HSP90B1: variants seen among roughly 807,000 people sequenced by gnomAD.
HSP90B1 encodes endoplasmin.
A neutral mutation model predicts 100.4 loss-of-function variants in HSP90B1; 27 were observed. The observed-to-expected ratio is 0.27, with a 90% CI of 0.20 to 0.37. The LOEUF is 0.37. Ranked by LOEUF, HSP90B1 falls within the 10% of genes least tolerant of loss-of-function variation. The probability of loss-of-function intolerance (pLI) is 1.00; values close to 1 mark genes in which losing one functional copy is unlikely to be tolerated. For missense variants in HSP90B1, 678 were observed against 960.5 expected (o/e 0.71, Z 3.89); for synonymous variants, 304 against 330.8 (o/e 0.92, Z 0.88).
At chr12:103,932,796 C>A in intron 3 of HSP90B1, 30 bp from the exon 4 acceptor site, 1 of 1,114,302 alleles carries the variant, frequency 9.0e-7, no homozygotes, top group Non-Finnish European at 1.4e-6. Flanking sequence ...TGAGGATAGT[C>A]TAAGTGTATT....
chr12:103,947,539 C>T, intron 17 of HSP90B1, 94 bp from the exon 18 acceptor site: 2 of 1,582,982 alleles, frequency 1.3e-6, no homozygotes, highest in Non-Finnish European at 8.6e-7. Flanking sequence ...TCAGACTGAG[C>T]ATTTAAATTG....
chr12:103,941,575 T>C, intron 9 of HSP90B1, 28 bp downstream of exon 9: 2 of 1,613,900 alleles, frequency 1.2e-6, no homozygotes, highest in Admixed American at 1.7e-5. Context: ...ACATGCTGCG[T>C]TTAAAATTTG....
At chr12:103,946,500 C>G (rs1315630273) in intron 14 of HSP90B1, 118 bp from the exon 15 acceptor site, 4 of 727,720 alleles carry the variant, frequency 5.5e-6, no homozygotes, top group Non-Finnish European at 9.2e-6. Flanking sequence ...GTCAATAGTA[C>G]ATTTTGATTT....
Position 103,947,685 on chromosome 12 carries a change from C to A in HSP90B1, c.*23C>A, listed in dbSNP as rs373539366. The A allele has an allele frequency of 1.3e-6, 2 of 1,583,660 alleles. No individual in the cohort carries two copies. Among genetic ancestry groups the A allele is most frequent in the Admixed American group, 1.7e-5 (1 of 59,888 alleles). On this transcript the variant is annotated 3_prime_UTR_variant, in exon 18 of 18. Transcript: ENST00000299767. ...TAAATTATACTCTCACCATTTGGAT[C>A]CTGTGTGGAGAGGGAATGTGAAATT... is the stretch of plus-strand genomic sequence containing the variant.
intron 2 of HSP90B1, 63 bp downstream of exon 2, chr12:103,931,686 C>A: frequency 1.8e-6 from 2 of 1,141,576 alleles, no homozygotes; most frequent in Middle Eastern, 2.0e-4. Flanking sequence ...GTTACGGTCA[C>A]TTCTTATGTA....
chr12:103,947,572 G>A, intron 17 of HSP90B1, 61 bp from the exon 18 acceptor site: 1 of 1,547,960 alleles, frequency 6.5e-7, no homozygotes, highest in Non-Finnish European at 8.8e-7. Flanking sequence ...ACAAACCTGT[G>A]AGCTAGGTTT....
intron 14 of HSP90B1, among the ~76,000 whole-genome samples, chr12:103,945,176 GACTC>G (rs1305562530): frequency 6.6e-6 from 1 of 152,174 alleles, no homozygotes; most frequent in Non-Finnish European, 1.5e-5. Context: ...CAGGCATGGT[GACTC>G]ACTCCTGTTG....
chr12:103,934,238 G>A lies in HSP90B1; in HGVS notation c.694G>A (p.Val232Ile), dbSNP rs1348464856. Residue 232 changes from valine (V) to isoleucine (I), a missense_variant, in exon 5 of 18, where the codon GTA (valine) becomes ATA (isoleucine). Val to Ile is a conservative substitution (Grantham distance 29, BLOSUM62 3). This residue lies in a region of HSP90B1 where 238 missense variants were observed against 346.7 expected (regional missense o/e 0.69). Coordinates refer to ENST00000299767, the MANE Select transcript of HSP90B1 (RefSeq NM_003299.3). ...GGAGTCTGACTCCAATGAATTTTCT[G>A]TAATTGCTGACCCAAGAGGAAACAC... Reference protein sequence around the residue: ...IWESDSNEFSVIADPRGNTLG... With the variant: ...IWESDSNEFSIIADPRGNTLG... The A allele has an allele frequency of 6.8e-6, 11 of 1,614,060 alleles. No homozygotes were observed. The highest frequency in any genetic ancestry group is 9.3e-6 in the Non-Finnish European group (11 of 1,180,034).
At chr12:103,932,513 C>T in intron 3 of HSP90B1, 95 bp downstream of exon 3, 3 of 1,090,290 alleles carry the variant, frequency 2.8e-6, no homozygotes, top group Middle Eastern at 2.1e-4. Flanking sequence ...ATGTAGTATC[C>T]AAGTAAGTAG....
chr12:103,943,147 A>T lies in HSP90B1; in HGVS notation c.1718A>T (p.Asp573Val). ...GTTATTTACCTCACAGAACCTGTGG[A>T]TGAATACTGTATTCAGGCCCTTCCC... ...YEVIYLTEPVDEYCIQALPEF... is the reference protein window; with the variant it reads ...YEVIYLTEPVVEYCIQALPEF... Residue 573 changes from aspartate (D) to valine (V), a missense_variant, in exon 13 of 18, where the codon GAT becomes GTT. This residue lies in a region of HSP90B1 where 170 missense variants were observed against 236.7 expected (regional missense o/e 0.72). Transcript: ENST00000299767. This position sits in a 1 kb window ranked among gnomAD's most constrained non-coding sequence, Gnocchi z 5.3. 1 of 1,614,160 alleles carries T rather than the reference A, an allele frequency of 6.2e-7. No homozygotes were observed. Among genetic ancestry groups the T allele is most frequent in the Non-Finnish European group, 8.5e-7 (1 of 1,180,004 alleles).
At chr12:103,936,049 T>G (rs1352016444) in intron 5 of HSP90B1, among the ~76,000 whole-genome samples, 1 of 152,248 alleles carries the variant, frequency 6.6e-6, no homozygotes, top group African/African-American at 2.4e-5. Flanking sequence ...TTCTTAAATG[T>G]TAACATACAT....
Position 103,947,768 on chromosome 12 carries a change from C to T in HSP90B1, c.*106C>T, listed in dbSNP as rs1240376583. ...GGATGCCCCCTAATCCCCTTCTCCC[C>T]TGCACTGTAAAATGTGGGATTATGG... On this transcript the variant is annotated 3_prime_UTR_variant, in exon 18 of 18. Transcript: ENST00000299767. 4.1e-6 allele frequency: 4 copies of T among 964,072 alleles called. No individual in the cohort carries two copies. The highest frequency in any genetic ancestry group is 6.7e-6 in the Non-Finnish European group (4 of 596,664). The allele number at this position is 964,072 out of a possible 1,614,324, so 59.7% of individuals were successfully genotyped here. A position where few individuals can be genotyped will look rare whatever the true frequency, so the allele number is the denominator to read the frequency against.
chr12:103,932,785 T>C (rs777975598), intron 3 of HSP90B1, 41 bp from the exon 4 acceptor site: 1 of 1,030,944 alleles, frequency 9.7e-7, no homozygotes, highest in Non-Finnish European at 1.5e-6. Flanking sequence ...TTAATGCATC[T>C]TGAGGATAGT....
Position 103,939,634 on chromosome 12 carries a change from T to TTA in HSP90B1, c.1092+12_1092+13dup, listed in dbSNP as rs780256700. 58 of 1,249,380 alleles carry TTA rather than the reference T, an allele frequency of 4.6e-5. No homozygotes were observed. The highest frequency in any genetic ancestry group is 6.5e-5 in the Non-Finnish European group (58 of 887,412). 77.4% of individuals were successfully genotyped at this position (1,249,380 alleles called of 1,614,324 possible). On this transcript the variant is annotated intron_variant, in intron 8 of 17. Coordinates refer to ENST00000299767, the MANE Select transcript of HSP90B1 (RefSeq NM_003299.3). ...ACAAATCATTTTCAAAGGTAAATATTTATAATTCCCTAGTTTCTGGTTATT... is the reference window on the plus strand; with the variant it reads ...ACAAATCATTTTCAAAGGTAAATATTTATATAATTCCCTAGTTTCTGGTTATT...
Position 103,947,641 on chromosome 12 carries a change from A to G in HSP90B1, c.2391A>G (p.Thr797=). Residue 797 remains threonine, a synonymous_variant, in exon 18 of 18, where the codon ACA becomes ACG. Coordinates refer to ENST00000299767, the MANE Select transcript of HSP90B1 (RefSeq NM_003299.3). The part of the protein sequence containing the change: ...DEEEETAKES[T]AEKDEL ...TTTTTATTTATTTACAGGAATCTAC[A>G]GCTGAAAAAGATGAATTGTAAATTA... is the stretch of plus-strand genomic sequence containing the variant. The G allele has an allele frequency of 1.3e-6, 2 of 1,595,002 alleles. No homozygotes were observed. The highest frequency in any genetic ancestry group is 1.7e-6 in the Non-Finnish European group (2 of 1,167,268).
At position 103,930,417 on chromosome 12, in the gene HSP90B1, G is replaced by C; in HGVS notation, c.-99G>C. On this transcript the variant is annotated 5_prime_UTR_variant, in exon 1 of 18. Coordinates refer to ENST00000299767, the MANE Select transcript of HSP90B1 (RefSeq NM_003299.3). The surrounding 1 kb of genome is among the most constrained non-coding windows in gnomAD (Gnocchi z 4.4). ...CCGACCTGCTTGCGGTGTAGTGGGC[G>C]GACCGCGCGGCTGGAGGTGTGAGGA... The C allele has an allele frequency of 1.8e-6, 2 of 1,117,584 alleles. 1 individual carries two copies. Among genetic ancestry groups the C allele is most frequent in the South Asian group, 3.2e-5 (2 of 62,668 alleles). 69.2% of individuals were successfully genotyped at this position (1,117,584 alleles called of 1,614,324 possible).
In HSP90B1 at chr12:103,947,170, T is replaced by C. The variant is rs920704521; in HGVS notation, c.2263-141T>C. ...TTTTTGCCTGCCTCCTTTTGTTAGC[T>C]TGGCTGTTCATTCTAGTTAAGAGGA... On this transcript the variant is annotated intron_variant, in intron 16 of 17. Coordinates refer to ENST00000299767, the MANE Select transcript of HSP90B1 (RefSeq NM_003299.3). 2.4e-6 allele frequency: 3 copies of C among 1,245,900 alleles called. No individual in the cohort carries two copies. The Admixed American group carries it at 7.5e-5, about 31-fold the overall frequency. 77.2% of individuals were successfully genotyped at this position (1,245,900 alleles called of 1,614,324 possible).
chr12:103,932,809 C>T lies in HSP90B1; in HGVS notation c.295-17C>T, dbSNP rs895785313. 3.9e-6 allele frequency: 5 copies of T among 1,274,232 alleles called. No individual in the cohort carries two copies. Among genetic ancestry groups the T allele is most frequent in the Non-Finnish European group, 5.7e-6 (5 of 871,470 alleles). The allele number at this position is 1,274,232 out of a possible 1,614,324, so 78.9% of individuals were successfully genotyped here. On this transcript the variant is annotated splice_polypyrimidine_tract_variant and intron_variant, in intron 3 of 17. Transcript: ENST00000299767. ...CTTGAGGATAGTCTAAGTGTATTCC[C>T]TCTGGCTTCCATTTAGATTTTCCTG...
intron 9 of HSP90B1, 34 bp from the exon 10 acceptor site, chr12:103,941,595 T>C: frequency 6.2e-7 from 1 of 1,613,888 alleles, no homozygotes; most frequent in Non-Finnish European, 8.5e-7. Context: ...GAAAGTTTAA[T>C]TTCCAGAAAG....
Sources: allele counts gnomAD v4.1 joint callset (sites outside exome capture counted in the v4.1 genomes callset), GRCh38; gene constraint gnomAD v4.1.1; regional missense constraint gnomAD v4.1.1; non-coding constraint Gnocchi (gnomAD v3.1); transcripts MANE v1.5; gene names NCBI Gene and HGNC (gene_info 2026-07-23, HGNC 2026-07-21).